VGLL4: variants seen among roughly 807,000 people sequenced by gnomAD.
VGLL4 encodes vestigial like family member 4.
In VGLL4, 7 loss-of-function variants were observed where a neutral mutation model predicts 21.0. The observed-to-expected ratio is 0.33, with a 90% CI of 0.19 to 0.63. The LOEUF (loss-of-function observed/expected upper bound fraction) is 0.63. Ranked by LOEUF, VGLL4 falls within the 20% of genes least tolerant of loss-of-function variation. VGLL4 has a pLI of 0.78. For missense variants in VGLL4, 394 were observed against 425.7 expected (o/e 0.93, Z 0.66); for synonymous variants, 222 against 173.2 (o/e 1.28, Z -2.21).
At chr3:11,696,011 C>T (rs9879218) in intron 2 of VGLL4, among the ~76,000 whole-genome samples, 4,378 of 152,210 alleles carry the variant, frequency 0.029, 221 homozygotes, top group African/African-American at 0.099. Context: ...CAGGAGTCCT[C>T]GAAATACATA....
intron 2 of VGLL4, among the ~76,000 whole-genome samples, chr3:11,573,090 C>T (rs1263218043): frequency 1.3e-5 from 2 of 151,566 alleles, no homozygotes; most frequent in Non-Finnish European, 2.9e-5. Context: ...CGGCTGAACC[C>T]GGGAGGCGGA....
At chr3:11,576,598 G>A (rs1170775118) in intron 2 of VGLL4, among the ~76,000 whole-genome samples, 4 of 152,182 alleles carry the variant, frequency 2.6e-5, no homozygotes, top group South Asian at 2.1e-4. Context: ...GCCATCCTCC[G>A]GGGACTACTT....
At chr3:11,718,537 GAA>G (rs1229966575) in intron 1 of VGLL4, among the ~76,000 whole-genome samples, 4 of 152,196 alleles carry the variant, frequency 2.6e-5, no homozygotes, top group African/African-American at 9.6e-5. Context: ...AGCGAGTAGA[GAA>G]AGAGTTAAAG....
intron 1 of VGLL4, among the ~76,000 whole-genome samples, chr3:11,712,005 C>T (rs2076853312): frequency 6.6e-6 from 1 of 152,176 alleles, no homozygotes; most frequent in Non-Finnish European, 1.5e-5. Context: ...TGATGCCCCA[C>T]CAACTTCGTG....
At chr3:11,684,868 C>T (rs944397126) in intron 2 of VGLL4, among the ~76,000 whole-genome samples, 3 of 151,794 alleles carry the variant, frequency 2.0e-5, no homozygotes, top group African/African-American at 7.3e-5. Flanking sequence ...AATAAATGTG[C>T]AGTTTTGTTT....
intron 1 of VGLL4, among the ~76,000 whole-genome samples, chr3:11,717,230 C>T (rs1691585086): frequency 1.3e-5 from 2 of 149,910 alleles, no homozygotes; most frequent in Non-Finnish European, 1.5e-5. Context: ...AAAATTTTCC[C>T]GTGTATTTTA....
At position 11,642,020 on chromosome 3, in the gene VGLL4, G is replaced by GT. The variant is rs2075698656; in HGVS notation, c.82+1416dup. ...TTTCTTGTTGGGGGAAGCGGGGATG[G>GT]TTAAAAAAAAAAAAAACAAGAAAAA... On this transcript the variant is annotated intron_variant, in intron 1 of 4. Coordinates refer to ENST00000430365, the MANE Select transcript of VGLL4 (RefSeq NM_001128219.3). Among the ~76,000 whole-genome samples, 3 of 141,064 alleles carry GT rather than the reference G, an allele frequency of 2.1e-5. No homozygotes were observed. In the South Asian group the frequency reaches 6.6e-4, roughly 31 times the overall value. 92.5% of individuals were successfully genotyped at this position (141,064 alleles called of 152,430 possible).
intron 2 of VGLL4, among the ~76,000 whole-genome samples, chr3:11,573,279 GAAAGA>G (rs1559869561): frequency 6.5e-5 from 1 of 15,452 alleles, no homozygotes; most frequent in Non-Finnish European, 1.3e-4. Flanking sequence ...AAGAAAGAAA[GAAAGA>G]AAGAAAGAAA....
At chr3:11,627,590 C>T (rs575815873) in intron 1 of VGLL4, among the ~76,000 whole-genome samples, 1 of 67,860 alleles carries the variant, frequency 1.5e-5, no homozygotes, top group Non-Finnish European at 2.7e-5. Context: ...AGTGAAACTT[C>T]ATCTCAAAAA....
At chr3:11,648,456 C>T (rs2075824150), upstream of VGLL4, among the ~76,000 whole-genome samples, 1 of 152,152 alleles carries the variant, frequency 6.6e-6, no homozygotes, top group Non-Finnish European at 1.5e-5. Flanking sequence ...TATGTTCAGA[C>T]TATCTGATGT....
intron 2 of VGLL4, among the ~76,000 whole-genome samples, chr3:11,695,605 G>C (rs1297156631): frequency 1.5e-4 from 23 of 152,130 alleles, no homozygotes; most frequent in Admixed American, 1.5e-3. Context: ...CTCATAACTA[G>C]AAGGAATGCA....
At chr3:11,716,293 ACT>A (rs1305009363) in intron 1 of VGLL4, among the ~76,000 whole-genome samples, 16 of 144,576 alleles carry the variant, frequency 1.1e-4, no homozygotes, top group African/African-American at 3.8e-4. Flanking sequence ...CAAGAGTGAA[ACT>A]CTGTCTCAAA....
chr3:11,667,529 A>G (rs778362791), intron 2 of VGLL4, among the ~76,000 whole-genome samples: 1 of 152,190 alleles, frequency 6.6e-6, no homozygotes, highest in Non-Finnish European at 1.5e-5. Context: ...CTATTAGGCT[A>G]TATCACCATT....
chr3:11,598,470 CTT>C (rs1317461265), intron 2 of VGLL4, among the ~76,000 whole-genome samples: 1 of 148,504 alleles, frequency 6.7e-6, no homozygotes, highest in Non-Finnish European at 1.5e-5. Context: ...ACTATTTTTT[CTT>C]TCTTCCTCTC....
intron 2 of VGLL4, among the ~76,000 whole-genome samples, chr3:11,573,558 G>A (rs569458479): frequency 4.7e-4 from 71 of 152,262 alleles, no homozygotes; most frequent in African/African-American, 1.5e-3. Flanking sequence ...CTGTCCCTCC[G>A]ACGGCCATGG....
intron 1 of VGLL4, among the ~76,000 whole-genome samples, chr3:11,616,995 C>T (rs954228717): frequency 3.3e-5 from 5 of 152,006 alleles, no homozygotes; most frequent in African/African-American, 1.2e-4. Context: ...GGTTAATCTA[C>T]TGACATTTAT....
intron 2 of VGLL4, chr3:11,671,394 G>T: frequency 1.2e-6 from 1 of 867,600 alleles, no homozygotes; most frequent in South Asian, 1.3e-5. Context: ...CCCAGGTGAC[G>T]CTGTGGGCCA....
rs1173021829 is a variant in VGLL4, at chr3:11,573,263, GA to G, written c.273-8245del. Among the ~76,000 whole-genome samples the G allele has an allele frequency of 1.8e-3, 18 of 10,126 alleles. 1 individual carries two copies. Among genetic ancestry groups the G allele is most frequent in the African/African-American group, 0.011 (17 of 1,494 alleles). 6.6% of individuals were successfully genotyped at this position (10,126 alleles called of 152,430 possible). ...AGAAATAGAGAAAGAAAGAAAGAAA[GA>G]AAGAAAGAAAGAAAGAAAGAAAGAA... On this transcript the variant is annotated intron_variant, in intron 2 of 4. Coordinates refer to ENST00000430365, the MANE Select transcript of VGLL4 (RefSeq NM_001128219.3).
chr3:11,702,283 A>C (rs1039772629), intron 2 of VGLL4, among the ~76,000 whole-genome samples: 12 of 152,004 alleles, frequency 7.9e-5, no homozygotes, highest in Admixed American at 2.0e-4. Context: ...ACGACCTACA[A>C]TTAACGGTTC....
Sources: gnomAD v4.1 joint callset for allele counts (sites outside exome capture counted in the v4.1 genomes callset) on GRCh38, gnomAD v4.1.1 for gene constraint, MANE v1.5 for transcripts, NCBI Gene and HGNC (gene_info 2026-07-23, HGNC 2026-07-21) for gene names.